PHYHIPL: variants seen among roughly 807,000 people sequenced by gnomAD.
The protein encoded by PHYHIPL is phytanoyl-CoA hydroxylase-interacting protein-like.
A neutral mutation model predicts 33.4 loss-of-function variants in PHYHIPL; 9 were observed. The observed-to-expected ratio is 0.27, with a 90% CI of 0.16 to 0.47. The LOEUF is 0.47. PHYHIPL is among the 20% of genes least tolerant of loss of function. PHYHIPL has a pLI of 0.99. For missense variants in PHYHIPL, 365 were observed against 460.7 expected, an observed-to-expected ratio of 0.79 and a Z score of 1.90; for synonymous variants, 153 against 154.1, an observed-to-expected ratio of 0.99 and a Z score of 0.05.
chr10:59,185,575 C>T (rs896194044), intron 1 of PHYHIPL, among the ~76,000 whole-genome samples: 2 of 152,102 alleles, frequency 1.3e-5, no homozygotes, highest in African/African-American at 4.8e-5. Context: ...GTTTACAGTC[C>T]CAGCAACAGT....
intron 1 of PHYHIPL, among the ~76,000 whole-genome samples, chr10:59,194,310 G>A (rs1406018796): frequency 1.3e-5 from 2 of 151,856 alleles, no homozygotes; most frequent in Non-Finnish European, 2.9e-5. Context: ...ACCATTGAAT[G>A]TTTTCCTTTG....
intron 1 of PHYHIPL, among the ~76,000 whole-genome samples, chr10:59,208,332 A>C (rs2133232979): frequency 6.6e-6 from 1 of 152,164 alleles, no homozygotes; most frequent in East Asian, 1.9e-4. Flanking sequence ...AGCTGCGGAG[A>C]CTGAACGTTA....
At chr10:59,180,641 G>A (rs1838390524) in intron 1 of PHYHIPL, among the ~76,000 whole-genome samples, 1 of 151,628 alleles carries the variant, frequency 6.6e-6, no homozygotes, top group African/African-American at 2.4e-5. Context: ...AGATTTCCTT[G>A]TCTTTGTCTC....
intron 1 of PHYHIPL, among the ~76,000 whole-genome samples, chr10:59,197,877 C>T (rs969273266): frequency 3.9e-5 from 6 of 152,014 alleles, no homozygotes; most frequent in Non-Finnish European, 8.8e-5. Context: ...TTTATTTTAA[C>T]CTAGGTCAAA....
chr10:59,186,842 A>C (rs978670834), intron 1 of PHYHIPL, among the ~76,000 whole-genome samples: 1 of 152,172 alleles, frequency 6.6e-6, no homozygotes, highest in African/African-American at 2.4e-5. Flanking sequence ...GAAGTTGCTC[A>C]TCAGCTTAAG....
chr10:59,177,512 C>G (rs1229041886), intron 1 of PHYHIPL: 2 of 1,551,114 alleles, frequency 1.3e-6, no homozygotes, highest in Non-Finnish European at 1.7e-6. Flanking sequence ...AAAAACAGTG[C>G]ATTTCAGCAC....
intron 4 of PHYHIPL, among the ~76,000 whole-genome samples, chr10:59,243,545 C>A (rs553543979): frequency 1.3e-5 from 2 of 152,176 alleles, no homozygotes; most frequent in South Asian, 4.2e-4. Context: ...ATTTTTTGGT[C>A]TTTCCTTGAA....
intron 1 of PHYHIPL, among the ~76,000 whole-genome samples, chr10:59,183,242 A>C (rs1838463220): frequency 6.6e-6 from 1 of 152,134 alleles, no homozygotes; most frequent in African/African-American, 2.4e-5. Context: ...TAGTTTAGAG[A>C]GGATTGTGAA....
intron 1 of PHYHIPL, among the ~76,000 whole-genome samples, chr10:59,213,220 A>G (rs1270018278): frequency 6.6e-6 from 1 of 152,128 alleles, no homozygotes; most frequent in Non-Finnish European, 1.5e-5. Flanking sequence ...CAGTGCTGCC[A>G]GAGTGATCCT....
chr10:59,237,730 G>T (rs1840268404), intron 3 of PHYHIPL, among the ~76,000 whole-genome samples: 1 of 151,818 alleles, frequency 6.6e-6, no homozygotes, highest in African/African-American at 2.4e-5. Context: ...TTCTTTTCTA[G>T]CCTATGACAG....
At chr10:59,199,876 A>G (rs1253006671) in intron 1 of PHYHIPL, among the ~76,000 whole-genome samples, 1 of 152,112 alleles carries the variant, frequency 6.6e-6, no homozygotes, top group Non-Finnish European at 1.5e-5. Context: ...TTGGTGTATA[A>G]GAATGCTTGT....
Position 59,247,271 on chromosome 10 carries a change from A to C in PHYHIPL, c.*1680A>C. 4.5e-6 allele frequency: 1 copy of C among 220,154 alleles called. No homozygotes were observed. Among genetic ancestry groups the C allele is most frequent in the Non-Finnish European group, 8.8e-6 (1 of 113,582 alleles). 13.6% of individuals were successfully genotyped at this position (220,154 alleles called of 1,614,324 possible). Reference sequence around the variant, plus strand: ...ATACATCAACATAAACAGTCTTTGGATACTAAATAAACTTTCCCTAACAAG... The same window carrying C: ...ATACATCAACATAAACAGTCTTTGGCTACTAAATAAACTTTCCCTAACAAG... On this transcript the variant is annotated 3_prime_UTR_variant, in exon 5 of 5. Transcript: ENST00000373880.
intron 1 of PHYHIPL, among the ~76,000 whole-genome samples, chr10:59,200,625 A>G (rs1298706809): frequency 6.6e-6 from 1 of 152,172 alleles, no homozygotes; most frequent in Non-Finnish European, 1.5e-5. Context: ...TAGTTTCAGA[A>G]GGAATGGTAC....
intron 2 of PHYHIPL, 62 bp from the exon 3 acceptor site, chr10:59,236,421 C>T: frequency 1.9e-6 from 2 of 1,061,976 alleles, no homozygotes; most frequent in Non-Finnish European, 2.6e-6. Flanking sequence ...TCTTTCTTCA[C>T]TTCCTTCGTC....
rs187899482 is a variant in PHYHIPL, at chr10:59,192,030, G to A, written c.106+15071G>A. Among the ~76,000 whole-genome samples the A allele has an allele frequency of 2.8e-3, 425 of 152,100 alleles. 1 individual carries two copies. Among genetic ancestry groups the A allele is most frequent in the African/African-American group, 9.4e-3 (391 of 41,522 alleles). On this transcript the variant is annotated intron_variant, in intron 1 of 4. Coordinates refer to ENST00000373880, the MANE Select transcript of PHYHIPL (RefSeq NM_032439.4). Reference sequence around the variant, plus strand: ...TGAACTCTGCATTCAAATACATAATGTCTTTGTAAAACTTTACTTGAGCGT... The same window carrying A: ...TGAACTCTGCATTCAAATACATAATATCTTTGTAAAACTTTACTTGAGCGT...
intron 1 of PHYHIPL, chr10:59,177,185 C>A: frequency 1.7e-6 from 1 of 596,444 alleles, no homozygotes; most frequent in Non-Finnish European, 2.9e-6. Context: ...CCGTCCACAA[C>A]CGTGGCGCCC....
At chr10:59,225,747 T>A (rs1839905393) in intron 1 of PHYHIPL, among the ~76,000 whole-genome samples, 1 of 152,144 alleles carries the variant, frequency 6.6e-6, no homozygotes, top group Admixed American at 6.5e-5. Flanking sequence ...AAAATGAAAC[T>A]TATGTAACTA....
chr10:59,215,835 GAAA>G (rs55657842), intron 1 of PHYHIPL, among the ~76,000 whole-genome samples: 96 of 148,700 alleles, frequency 6.5e-4, no homozygotes, highest in African/African-American at 2.2e-3. Flanking sequence ...AGCCTTCATA[GAAA>G]AAAAAAAAAC....
chr10:59,226,946 A>G (rs186479504), intron 1 of PHYHIPL, among the ~76,000 whole-genome samples: 72 of 152,288 alleles, frequency 4.7e-4, no homozygotes, highest in Admixed American at 2.5e-3. Context: ...TAAGTTAAAT[A>G]CTCCTAATAA....
Sources: allele counts gnomAD v4.1 joint callset (sites outside exome capture counted in the v4.1 genomes callset), GRCh38; gene constraint gnomAD v4.1.1; transcripts MANE v1.5; gene names NCBI Gene and HGNC (gene_info 2026-07-23, HGNC 2026-07-21).